ANO10: variants seen among roughly 807,000 people sequenced by gnomAD.
ANO10 encodes the protein anoctamin 10.
A neutral mutation model predicts 74.7 loss-of-function variants in ANO10; 77 were observed. The observed-to-expected ratio is 1.03, with a 90% CI of 0.86 to 1.25. The LOEUF (loss-of-function observed/expected upper bound fraction) is 1.25. ANO10 is among the 50% of genes most tolerant of loss of function. The probability of loss-of-function intolerance (pLI) is 0.00; values close to 1 mark genes in which losing one functional copy is unlikely to be tolerated. For missense variants in ANO10, 721 were observed against 778.1 expected (o/e 0.93, Z 0.87); for synonymous variants, 279 against 284.9 (o/e 0.98, Z 0.21).
intron 11 of ANO10, among the ~76,000 whole-genome samples, chr3:43,546,629 A>G (rs929890466): frequency 6.6e-6 from 1 of 152,124 alleles, no homozygotes; most frequent in Non-Finnish European, 1.5e-5. Flanking sequence ...GAACTGAAAA[A>G]TGCAGTAATA....
intron 1 of ANO10, among the ~76,000 whole-genome samples, chr3:43,682,813 GAACC>G (rs2084219221): frequency 6.6e-6 from 1 of 152,150 alleles, no homozygotes; most frequent in Non-Finnish European, 1.5e-5. Flanking sequence ...CATATAAACA[GAACC>G]AACGACAAAA....
chr3:43,576,055 A>G (rs2080979184), intron 6 of ANO10, among the ~76,000 whole-genome samples: 1 of 152,188 alleles, frequency 6.6e-6, no homozygotes, highest in African/African-American at 2.4e-5. Context: ...TATCAAGACC[A>G]TTTTCAACTT....
intron 1 of ANO10, among the ~76,000 whole-genome samples, chr3:43,636,803 C>G (rs1216966437): frequency 6.6e-6 from 1 of 152,084 alleles, no homozygotes; most frequent in Non-Finnish European, 1.5e-5. Flanking sequence ...ATTGATATTT[C>G]TTTATTTTTT....
intron 12 of ANO10, among the ~76,000 whole-genome samples, chr3:43,370,220 G>A (rs2091559403): frequency 6.6e-6 from 1 of 152,208 alleles, no homozygotes; most frequent in Non-Finnish European, 1.5e-5. Flanking sequence ...CAGAATTTAT[G>A]ATTAGGAAGG....
At chr3:43,521,414 T>C (rs1432348173) in intron 11 of ANO10, among the ~76,000 whole-genome samples, 1 of 152,138 alleles carries the variant, frequency 6.6e-6, no homozygotes, top group Non-Finnish European at 1.5e-5. Flanking sequence ...CATAAAATGA[T>C]AAATAGTAGA....
rs146558583 is a variant in ANO10 at position 43,425,325 on chromosome 3, A to G, written c.1914+7286T>C. 4.4e-3 allele frequency among the ~76,000 whole-genome samples: 659 copies of G among 151,312 alleles called. 3 individuals carry two copies. Among genetic ancestry groups the G allele is most frequent in the Admixed American group, 7.9e-3 (120 of 15,144 alleles). On this transcript the variant is annotated intron_variant, in intron 12 of 12. Transcript: ENST00000292246. ...ATTACAGACATGAGCCACTGTGCCCAGCCTCTATTTACCTTAACTTGAGAG... is the reference window on the plus strand; with the variant it reads ...ATTACAGACATGAGCCACTGTGCCCGGCCTCTATTTACCTTAACTTGAGAG...
At position 43,428,669 on chromosome 3, in the gene ANO10, C is replaced by T. The variant is rs993706572; in HGVS notation, c.1914+3942G>A. ...AACCAGAGAATCAGATCTATGTCCT[C>T]AGGGGAAAAAAATCTCAAAGAGACA... On this transcript the variant is annotated intron_variant, in intron 12 of 12. Coordinates refer to ENST00000292246, the MANE Select transcript of ANO10 (RefSeq NM_018075.5). Among the ~76,000 whole-genome samples the T allele has an allele frequency of 4.0e-5, 6 of 151,684 alleles. No homozygotes were observed. In the South Asian group the frequency reaches 1.2e-3, roughly 31 times the overall value.
intron 4 of ANO10, among the ~76,000 whole-genome samples, chr3:43,594,343 T>C (rs999157878): frequency 6.6e-6 from 1 of 152,174 alleles, no homozygotes; most frequent in Non-Finnish European, 1.5e-5. Flanking sequence ...TATTCCAAAA[T>C]TGACCACATA....
chr3:43,565,627 G>C, intron 8 of ANO10, 26 bp downstream of exon 8: 1 of 1,529,796 alleles, frequency 6.5e-7, no homozygotes, highest in African/African-American at 1.4e-5. Context: ...CTAAAAAATT[G>C]GTATTTTTCT....
At chr3:43,566,167 C>T (rs1575440992) in intron 7 of ANO10, among the ~76,000 whole-genome samples, 1 of 152,180 alleles carries the variant, frequency 6.6e-6, no homozygotes, top group African/African-American at 2.4e-5. Context: ...ATATCCTGCA[C>T]CTGGCTCGGA....
chr3:43,660,684 G>A lies in ANO10; in HGVS notation c.-12+30833C>T, dbSNP rs571221861. 9.5e-4 allele frequency among the ~76,000 whole-genome samples: 144 copies of A among 152,332 alleles called. 1 individual carries two copies. Among genetic ancestry groups the A allele is most frequent in the African/African-American group, 3.4e-3 (141 of 41,578 alleles). Reference sequence around the variant, plus strand: ...TTAGAAAACACTCTGGCTGGGCGCAGTGGCTCACGCCTGTAATCCCAGCAC... The same window carrying A: ...TTAGAAAACACTCTGGCTGGGCGCAATGGCTCACGCCTGTAATCCCAGCAC... On this transcript the variant is annotated intron_variant, in intron 1 of 3. Coordinates refer to the ANO10 transcript ENST00000413397.
At position 43,399,377 on chromosome 3, in the gene ANO10, A is replaced by G. The variant is rs148180694; in HGVS notation, c.1915-32403T>C. ...ATTTATGAATGCAATACTTTTTCAA[A>G]TCTTTGTAAAGGTTTTTATTAGAAT... On this transcript the variant is annotated intron_variant, in intron 12 of 12. Coordinates refer to ENST00000292246, the MANE Select transcript of ANO10 (RefSeq NM_018075.5). 6.2e-4 allele frequency among the ~76,000 whole-genome samples: 94 copies of G among 152,212 alleles called. 1 individual carries two copies. The highest frequency in any genetic ancestry group is 2.1e-3 in the African/African-American group (86 of 41,544).
chr3:43,375,742 G>C (rs1466314300), intron 12 of ANO10, among the ~76,000 whole-genome samples: 1 of 152,178 alleles, frequency 6.6e-6, no homozygotes, highest in Non-Finnish European at 1.5e-5. Flanking sequence ...GAGTCAGAGA[G>C]AGCAACAGGA....
In ANO10 at chr3:43,611,041, T is replaced by C. The variant is rs1028564487; in HGVS notation, c.-11-5178A>G. ...GTTCCTGTGGCAGAAATTTGAGCTA[T>C]CCTCTGAAATCCACTCTCCCTTTCT... On this transcript the variant is annotated intron_variant, in intron 1 of 12. Coordinates refer to ENST00000292246, the MANE Select transcript of ANO10 (RefSeq NM_018075.5). 3.9e-5 allele frequency among the ~76,000 whole-genome samples: 6 copies of C among 152,212 alleles called. No homozygotes were observed. In the East Asian group the frequency reaches 1.2e-3, roughly 29 times the overall value.
intron 1 of ANO10, among the ~76,000 whole-genome samples, chr3:43,643,723 G>A (rs1045933746): frequency 1.7e-4 from 22 of 130,944 alleles, no homozygotes; most frequent in African/African-American, 6.6e-4. Flanking sequence ...TCGCTCTGTC[G>A]CCTAGGCTGG....
chr3:43,651,092 T>TGGG (rs1266846482), intron 1 of ANO10, among the ~76,000 whole-genome samples: 2 of 152,174 alleles, frequency 1.3e-5, no homozygotes, highest in African/African-American at 4.8e-5. Context: ...CTGTTTCTTT[T>TGGG]GGGGGAGGGC....
intron 4 of ANO10, among the ~76,000 whole-genome samples, chr3:43,592,622 T>C (rs906061489): frequency 3.9e-5 from 6 of 152,126 alleles, no homozygotes; most frequent in African/African-American, 4.8e-5. Flanking sequence ...AGACCAAAGA[T>C]AGATAAAATC....
chr3:43,686,388 A>G (rs1320114955), intron 1 of ANO10, among the ~76,000 whole-genome samples: 2 of 152,104 alleles, frequency 1.3e-5, no homozygotes, highest in Non-Finnish European at 2.9e-5. Flanking sequence ...CTGGGCTCAA[A>G]GGATCCTCCC....
rs114539148 is a variant in ANO10 at position 43,458,968 on chromosome 3, C to T, written c.1798-26241G>A. Among the ~76,000 whole-genome samples the T allele has an allele frequency of 4.8e-3, 731 of 152,264 alleles. 5 individuals are homozygous for T. The highest frequency in any genetic ancestry group is 0.017 in the African/African-American group (692 of 41,550). ...ATGATGATTAAACCTATTTCTTATA[C>T]GCCACGAGCTTCCAAATCAATGTCT... On this transcript the variant is annotated intron_variant, in intron 11 of 12. Transcript: ENST00000292246.
Sources: gnomAD v4.1 joint callset for allele counts (sites outside exome capture counted in the v4.1 genomes callset) on GRCh38, gnomAD v4.1.1 for gene constraint, MANE v1.5 for transcripts, NCBI Gene and HGNC (gene_info 2026-07-23, HGNC 2026-07-21) for gene names.